IQSEC3: variants seen among roughly 807,000 people sequenced by gnomAD.
The protein encoded by IQSEC3 is IQ motif and Sec7 domain ArfGEF 3.
IQSEC3 carries 50 observed loss-of-function variants against 105.4 expected under a neutral mutation model. That is an observed-to-expected ratio of 0.47 (90% CI 0.38 to 0.60). IQSEC3 has a LOEUF of 0.60. Among genes scored for constraint, IQSEC3 ranks in the 20% least tolerant of loss-of-function variants. The pLI, the probability that IQSEC3 is intolerant of heterozygous loss-of-function variation, is 0.00. For missense variants in IQSEC3, 1,415 were observed against 1,630.0 expected, an observed-to-expected ratio of 0.87 and a Z score of 2.27; for synonymous variants, 708 against 746.0, an observed-to-expected ratio of 0.95 and a Z score of 0.83.
chr12:143,663 GGT>G (rs1866133291), intron 5 of IQSEC3: 1 of 28,880 alleles, frequency 3.5e-5, no homozygotes, highest in African/African-American at 1.4e-4. Flanking sequence ...GCAGTGCTGG[GGT>G]GCCAGCGTTC....
chr12:174,113 C>T (rs531394554), intron 13 of IQSEC3, among the ~76,000 whole-genome samples: 57 of 152,234 alleles, frequency 3.7e-4, no homozygotes, highest in African/African-American at 7.9e-4. Flanking sequence ...TCTATGAGGT[C>T]GACGGTGCCA....
chr12:73,365 T>C (rs1863401533), intron 1 of IQSEC3, among the ~76,000 whole-genome samples: 2 of 152,404 alleles, frequency 1.3e-5, no homozygotes, highest in South Asian at 4.1e-4. Context: ...AAAAATTACA[T>C]ATCATTTATT....
At chr12:100,189 C>T (rs4980962) in intron 2 of IQSEC3, among the ~76,000 whole-genome samples, 48,265 of 151,632 alleles carry the variant, frequency 0.32, 8,167 homozygotes, top group Non-Finnish European at 0.38. Flanking sequence ...TGGCATTCAC[C>T]TATCATCCCG....
At chr12:127,947 G>A (rs578114142) in intron 3 of IQSEC3, among the ~76,000 whole-genome samples, 21 of 152,216 alleles carry the variant, frequency 1.4e-4, no homozygotes, top group Non-Finnish European at 2.6e-4. Context: ...GACTGAACTC[G>A]ACTCCTCTCT....
chr12:125,845 C>T lies in IQSEC3; in HGVS notation c.836C>T (p.Thr279Met), dbSNP rs200670002. 3.5e-3 allele frequency: 5,327 copies of T among 1,532,824 alleles called. 16 individuals carry two copies. Among genetic ancestry groups the T allele is most frequent in the Non-Finnish European group, 4.2e-3 (4,808 of 1,146,034 alleles). 95.0% of individuals were successfully genotyped at this position (1,532,824 alleles called of 1,614,324 possible). The change falls in exon 3 of 14, where the codon ACG becomes ATG. Residue 279 changes from threonine (T) to methionine (M), a missense_variant. Physicochemically the swap from Thr to Met is moderately conservative, Grantham distance 81 (BLOSUM62 -1). Transcript: ENST00000538872. Reference sequence around the variant, plus strand: ...GGCCGGCAGCAGCCTGCCCTGGCGACGGCGCTGTGCCCCCACGCCCCTGCC... The same window carrying T: ...GGCCGGCAGCAGCCTGCCCTGGCGATGGCGCTGTGCCCCCACGCCCCTGCC... Reference protein sequence around the residue: ...SPGRQQPALATALCPHAPAAS... With the variant: ...SPGRQQPALAMALCPHAPAAS...
At chr12:131,577 C>G (rs1865602246) in intron 3 of IQSEC3, among the ~76,000 whole-genome samples, 1 of 152,192 alleles carries the variant, frequency 6.6e-6, no homozygotes, top group Non-Finnish European at 1.5e-5. Context: ...CCTGGGGTCA[C>G]AAGAGAGAAT....
At chr12:133,138 C>T (rs1195398873) in intron 3 of IQSEC3, among the ~76,000 whole-genome samples, 1 of 152,156 alleles carries the variant, frequency 6.6e-6, no homozygotes, top group African/African-American at 2.4e-5. Context: ...AGAAGGTATC[C>T]ACCTGGGGAG....
chr12:175,027 G>T lies in IQSEC3; in HGVS notation c.3543G>T (p.Leu1181=). ...GCTACTCCAGTGGCTCAAGGAGCCT[G>T]GTGTAGACTCTGCCCCACCACCCTG... ...GHRYSSGSRS[L]V Residue 1181 remains leucine, a synonymous_variant, in exon 14 of 14, where the codon CTG becomes CTT. Coordinates refer to ENST00000538872, the MANE Select transcript of IQSEC3 (RefSeq NM_001170738.2). 6.5e-7 allele frequency: 1 copy of T among 1,533,398 alleles called. No individual in the cohort carries two copies. Among genetic ancestry groups the T allele is most frequent in the East Asian group, 2.3e-5 (1 of 43,062 alleles). The allele number at this position is 1,533,398 out of a possible 1,614,324, so 95.0% of individuals were successfully genotyped here.
chr12:165,965 A>G, intron 11 of IQSEC3, 75 bp downstream of exon 11: 1 of 1,534,106 alleles, frequency 6.5e-7, no homozygotes, highest in East Asian at 2.3e-5. Context: ...TGAGACAGAC[A>G]TGCCTGACTC....
intron 1 of IQSEC3, among the ~76,000 whole-genome samples, chr12:76,055 T>C (rs1272976382): frequency 8.6e-5 from 13 of 151,628 alleles, no homozygotes; most frequent in Admixed American, 2.0e-4. Context: ...GGAAGCTGCA[T>C]TAAGAACAAA....
chr12:158,174 GT>G (rs78756163), intron 7 of IQSEC3, among the ~76,000 whole-genome samples: 392 of 142,500 alleles, frequency 2.8e-3, no homozygotes, highest in South Asian at 0.013. Flanking sequence ...GTGCGCAATT[GT>G]TTTTTTTTTT....
At chr12:131,025 C>G (rs1389048542) in intron 3 of IQSEC3, among the ~76,000 whole-genome samples, 1 of 58,266 alleles carries the variant, frequency 1.7e-5, no homozygotes, top group African/African-American at 6.8e-5. Flanking sequence ...GCTCTTCCTC[C>G]CCACACCTGG....
chr12:165,193 A>T, intron 9 of IQSEC3: 1 of 546,216 alleles, frequency 1.8e-6, no homozygotes, highest in Non-Finnish European at 3.3e-6. Context: ...TGGGTTTTAC[A>T]GGCCAGCTCA....
chr12:73,428 A>G (rs1256427285), intron 1 of IQSEC3, among the ~76,000 whole-genome samples: 1 of 152,266 alleles, frequency 6.6e-6, no homozygotes, highest in Non-Finnish European at 1.5e-5. Context: ...GTATTTCTAC[A>G]GATAAAGAAA....
intron 2 of IQSEC3, among the ~76,000 whole-genome samples, chr12:107,402 CTTTTTTTT>C (rs58053657): frequency 1.1e-4 from 8 of 75,994 alleles, no homozygotes; most frequent in East Asian, 8.5e-4. Flanking sequence ...AGTCTGTTTT[CTTTTTTTT>C]TTTTTTTTTT....
At position 102,726 on chromosome 12, in the gene IQSEC3, G is replaced by A. The variant is rs544409811; in HGVS notation, c.623+3512G>A. The stretch of plus-strand genomic sequence containing the variant: ...CTGTCTTGGGGCTGGGAGCCGGACA[G>A]GGAGTGATTCTCCCAGGAGTGGGAA... On this transcript the variant is annotated intron_variant, in intron 2 of 13. Transcript: ENST00000538872. Among the ~76,000 whole-genome samples the A allele has an allele frequency of 3.9e-5, 6 of 152,354 alleles. No homozygotes were observed. The South Asian group carries it at 6.2e-4, about 16-fold the overall frequency.
Position 176,702 on chromosome 12 carries a change from CAGTT to C in IQSEC3, c.*1670_*1673del, listed in dbSNP as rs1939247950. Reference sequence around the variant, plus strand: ...ATTTCTGGCCCTGTCTTCGTCGGCCCAGTTTCTGTAACTTGCAGCCAATTTGCCC... The same window carrying C: ...ATTTCTGGCCCTGTCTTCGTCGGCCCTCTGTAACTTGCAGCCAATTTGCCC... On this transcript the variant is annotated 3_prime_UTR_variant, in exon 14 of 14. Coordinates refer to ENST00000538872, the MANE Select transcript of IQSEC3 (RefSeq NM_001170738.2). The surrounding 1 kb of genome is among the most constrained non-coding windows in gnomAD (Gnocchi z 4.0). 1 of 152,298 alleles carries C rather than the reference CAGTT, an allele frequency of 6.6e-6. No homozygotes were observed. Among genetic ancestry groups the C allele is most frequent in the Non-Finnish European group, 1.5e-5 (1 of 68,080 alleles). 9.4% of individuals were successfully genotyped at this position (152,298 alleles called of 1,614,324 possible).
chr12:85,481 T>G (rs782113913), intron 1 of IQSEC3, among the ~76,000 whole-genome samples: 11 of 152,216 alleles, frequency 7.2e-5, no homozygotes, highest in Non-Finnish European at 1.6e-4. Flanking sequence ...CTGCTGGAGT[T>G]CAAAGAACTA....
chr12:119,902 G>A (rs1315658868), intron 2 of IQSEC3, among the ~76,000 whole-genome samples: 1 of 152,228 alleles, frequency 6.6e-6, no homozygotes, highest in Non-Finnish European at 1.5e-5. Flanking sequence ...GCTCCCAGCA[G>A]CTGAGCGAGA....
Sources: gnomAD v4.1 joint callset for allele counts (sites outside exome capture counted in the v4.1 genomes callset) on GRCh38, gnomAD v4.1.1 for gene constraint, Gnocchi (gnomAD v3.1) non-coding constraint, MANE v1.5 for transcripts, NCBI Gene and HGNC (gene_info 2026-07-23, HGNC 2026-07-21) for gene names.